Variants in PCSK5 observed in about 807,000 individuals in gnomAD.
The protein encoded by PCSK5 is prohormone convertase 5.
Under a neutral mutation model 233.2 loss-of-function variants are expected in PCSK5, and 129 were observed. The observed-to-expected ratio is 0.55, with a 90% CI of 0.48 to 0.64. The LOEUF is 0.64. Ranked by LOEUF, PCSK5 falls within the 30% of genes least tolerant of loss-of-function variation. PCSK5 has a pLI of 0.00. For synonymous variants in PCSK5, 825 were observed against 879.2 expected (o/e 0.94, Z 1.09); for missense variants, 2,076 against 2,430.1 (o/e 0.85, Z 3.06).
chr9:75,963,273 G>A (rs540311611), intron 2 of PCSK5, among the ~76,000 whole-genome samples: 3 of 152,142 alleles, frequency 2.0e-5, no homozygotes, highest in Non-Finnish European at 4.4e-5. Context: ...GCTCTTCTGG[G>A]CTTCAGGCTT....
intron 8 of PCSK5, among the ~76,000 whole-genome samples, chr9:76,096,994 C>T (rs1290131844): frequency 2.0e-5 from 3 of 150,544 alleles, no homozygotes; most frequent in Non-Finnish European, 3.0e-5. Context: ...TACAGTGGTG[C>T]GATCTCGGCT....
chr9:75,913,571 A>G (rs1047270628), intron 1 of PCSK5, among the ~76,000 whole-genome samples: 1 of 152,194 alleles, frequency 6.6e-6, no homozygotes, highest in Non-Finnish European at 1.5e-5. Context: ...CTGCATATTT[A>G]TGAGATACCT....
At chr9:76,207,575 A>G (rs543853959) in intron 20 of PCSK5, among the ~76,000 whole-genome samples, 1 of 152,358 alleles carries the variant, frequency 6.6e-6, no homozygotes, top group East Asian at 1.9e-4. Context: ...ATATAAGGAT[A>G]TAATAGAATA....
intron 24 of PCSK5, among the ~76,000 whole-genome samples, chr9:76,270,208 G>A (rs1827469063): frequency 6.6e-6 from 1 of 152,094 alleles, no homozygotes; most frequent in Non-Finnish European, 1.5e-5. Flanking sequence ...TTGTTTTTCA[G>A]CAGTTTTGTT....
intron 31 of PCSK5, 24 bp downstream of exon 31, chr9:76,321,663 G>A (rs1165269340): frequency 6.5e-6 from 10 of 1,531,358 alleles, no homozygotes; most frequent in Non-Finnish European, 9.0e-6. Context: ...TCCCACAGGA[G>A]AGCAAGGCTC....
chr9:76,242,001 T>C (rs1028363370), intron 24 of PCSK5, among the ~76,000 whole-genome samples: 1 of 152,230 alleles, frequency 6.6e-6, no homozygotes, highest in Non-Finnish European at 1.5e-5. Context: ...TGCTGTTCTA[T>C]AGAACACTCA....
rs147137255 is a variant in PCSK5 at position 76,352,718 on chromosome 9, C to T, written c.5068-1315C>T. Among the ~76,000 whole-genome samples the T allele has an allele frequency of 1.9e-3, 285 of 152,228 alleles. 5 individuals are homozygous for T. The highest frequency in any genetic ancestry group is 0.015 in the Admixed American group (223 of 15,292). ...TTCGAACTTTAGATAATAAGTAAAT[C>T]TCCCCATGATGAAATTAACACAAAC... On this transcript the variant is annotated intron_variant, in intron 36 of 37. Coordinates refer to ENST00000674117, the MANE Select transcript of PCSK5 (RefSeq NM_001372043.1).
chr9:76,292,181 C>A, intron 24 of PCSK5, 52 bp from the exon 25 acceptor site: 1 of 1,070,964 alleles, frequency 9.3e-7, no homozygotes, highest in Non-Finnish European at 1.4e-6. Flanking sequence ...CCCTATTTTT[C>A]CAAATGACGA....
chr9:76,105,853 A>G (rs1345842604), intron 8 of PCSK5, among the ~76,000 whole-genome samples: 2 of 152,226 alleles, frequency 1.3e-5, no homozygotes, highest in Non-Finnish European at 2.9e-5. Context: ...AGGAACAAAG[A>G]AAGGATAGTA....
rs374196370 is a variant in PCSK5, at chr9:75,902,013, C to T, written c.192+10640C>T. 3.1e-3 allele frequency among the ~76,000 whole-genome samples: 470 copies of T among 151,862 alleles called. 4 individuals carry two copies. The highest frequency in any genetic ancestry group is 0.015 in the South Asian group (70 of 4,796). ...GGCAGATTACCTGAGGTCAGGAGTTCGAGACCAGCCTGGCCAACATGGCAA... is the reference window on the plus strand; with the variant it reads ...GGCAGATTACCTGAGGTCAGGAGTTTGAGACCAGCCTGGCCAACATGGCAA... On this transcript the variant is annotated intron_variant, in intron 1 of 37. Transcript: ENST00000674117.
intron 2 of PCSK5, among the ~76,000 whole-genome samples, chr9:75,935,239 T>C (rs1823998491): frequency 6.6e-6 from 1 of 152,056 alleles, no homozygotes; most frequent in Non-Finnish European, 1.5e-5. Context: ...AGCTAATTTT[T>C]TGTATTTTTA....
At chr9:76,317,973 G>T (rs1050821066) in intron 30 of PCSK5, among the ~76,000 whole-genome samples, 1 of 152,164 alleles carries the variant, frequency 6.6e-6, no homozygotes, top group Admixed American at 6.5e-5. Flanking sequence ...GGTTGGGATG[G>T]TTTGTGGCAC....
At chr9:76,023,978 G>A in intron 4 of PCSK5, 97 bp downstream of exon 4, 2 of 1,086,432 alleles carry the variant, frequency 1.8e-6, no homozygotes, top group Non-Finnish European at 2.7e-6. Flanking sequence ...GAAAAATGTA[G>A]CAACGTACAA....
At chr9:76,019,434 A>T (rs1314670246) in intron 3 of PCSK5, among the ~76,000 whole-genome samples, 1 of 152,182 alleles carries the variant, frequency 6.6e-6, no homozygotes, top group Non-Finnish European at 1.5e-5. Flanking sequence ...ATGAAGTCTT[A>T]TAAGCCACTC....
intron 25 of PCSK5, 51 bp from the exon 26 acceptor site, chr9:76,295,224 G>GA: frequency 1.3e-6 from 2 of 1,530,678 alleles, no homozygotes; most frequent in African/African-American, 2.7e-5. Context: ...TTATGGTGAA[G>GA]AGAAATACAT....
At chr9:76,046,027 A>T (rs1307015595) in intron 5 of PCSK5, among the ~76,000 whole-genome samples, 1 of 152,178 alleles carries the variant, frequency 6.6e-6, no homozygotes, top group African/African-American at 2.4e-5. Flanking sequence ...TTATAAATAA[A>T]TGCTTTAGCA....
intron 17 of PCSK5, 38 bp downstream of exon 17, chr9:76,184,795 A>G (rs1476748965): frequency 8.5e-7 from 1 of 1,173,800 alleles, no homozygotes; most frequent in Non-Finnish European, 1.3e-6. Context: ...AACACAGCCC[A>G]AAGAGCTTCT....
At chr9:76,312,352 A>C (rs1828885463) in intron 30 of PCSK5, among the ~76,000 whole-genome samples, 1 of 152,134 alleles carries the variant, frequency 6.6e-6, no homozygotes. Flanking sequence ...TCTACTAAAA[A>C]TACAAAATTA....
chr9:75,933,723 T>C (rs1320925724), intron 2 of PCSK5, among the ~76,000 whole-genome samples: 1 of 152,236 alleles, frequency 6.6e-6, no homozygotes, highest in African/African-American at 2.4e-5. Flanking sequence ...TACATTTTCA[T>C]GGTCTGTGGA....
Sources: allele counts gnomAD v4.1 joint callset (sites outside exome capture counted in the v4.1 genomes callset), GRCh38; gene constraint gnomAD v4.1.1; transcripts MANE v1.5; gene names NCBI Gene and HGNC (gene_info 2026-07-23, HGNC 2026-07-21).